Variants in C7orf78 observed in about 807,000 individuals in gnomAD.
C7orf78 encodes putative uncharacterized protein C7orf78.
At chr7:12,512,878 A>C in the C7orf78 span, among the ~76,000 whole-genome samples, 5 of 152,178 alleles carry the variant, frequency 3.3e-5, no homozygotes, top group Admixed American at 3.3e-4. Flanking sequence ...CAGGTTTTCT[A>C]TTCTTCCTGA....
the C7orf78 span, among the ~76,000 whole-genome samples, chr7:12,486,389 A>G: frequency 6.6e-6 from 1 of 151,952 alleles, no homozygotes; most frequent in Non-Finnish European, 1.5e-5. Flanking sequence ...ATATTTATTG[A>G]ACATCTACTA....
chr7:12,526,090 A>G, the C7orf78 span, among the ~76,000 whole-genome samples: 4 of 152,142 alleles, frequency 2.6e-5, no homozygotes, highest in Non-Finnish European at 5.9e-5. Context: ...AACTGTTACT[A>G]TATTATTAAA....
At chr7:12,540,701 C>T in the C7orf78 span, among the ~76,000 whole-genome samples, 1 of 152,192 alleles carries the variant, frequency 6.6e-6, no homozygotes, top group African/African-American at 2.4e-5. Flanking sequence ...TCTACTTCCA[C>T]ATCATAGTTG....
chr7:12,509,868 T>C, the C7orf78 span, among the ~76,000 whole-genome samples: 1 of 152,102 alleles, frequency 6.6e-6, no homozygotes, highest in Admixed American at 6.5e-5. Flanking sequence ...GTGGATCACC[T>C]GAGATCAGGA....
the C7orf78 span, among the ~76,000 whole-genome samples, chr7:12,530,803 G>T: frequency 6.6e-6 from 1 of 152,186 alleles, no homozygotes; most frequent in African/African-American, 2.4e-5. Flanking sequence ...AAAATGTTGA[G>T]AACACATACT....
At chr7:12,540,738 T>G in the C7orf78 span, among the ~76,000 whole-genome samples, 3 of 152,224 alleles carry the variant, frequency 2.0e-5, no homozygotes, top group Non-Finnish European at 4.4e-5. Flanking sequence ...TTCTTTTTTG[T>G]TATCATGCCT....
At chr7:12,538,814 C>T in the C7orf78 span, among the ~76,000 whole-genome samples, 1 of 152,044 alleles carries the variant, frequency 6.6e-6, no homozygotes, top group East Asian at 1.9e-4. Flanking sequence ...TTGCGAGCCA[C>T]CCATTTTTAC....
the C7orf78 span, among the ~76,000 whole-genome samples, chr7:12,514,198 G>C: frequency 6.6e-6 from 1 of 152,026 alleles, no homozygotes; most frequent in African/African-American, 2.4e-5. Context: ...TTTAGATTTA[G>C]TAAAATTTGC....
chr7:12,523,199 A>G, the C7orf78 span: 1 of 398,204 alleles, frequency 2.5e-6, no homozygotes, highest in East Asian at 3.6e-5. Flanking sequence ...AATTCCAGAA[A>G]GATCATCAAA....
At chr7:12,531,975 T>G in the C7orf78 span, among the ~76,000 whole-genome samples, 5 of 152,160 alleles carry the variant, frequency 3.3e-5, no homozygotes, top group Admixed American at 6.5e-5. Flanking sequence ...TTCGATTAGA[T>G]ATGACATTTA....
the C7orf78 span, among the ~76,000 whole-genome samples, chr7:12,533,607 C>G: frequency 6.6e-6 from 1 of 151,032 alleles, no homozygotes; most frequent in African/African-American, 2.4e-5. Context: ...AGCTCCACCT[C>G]CCGGGTTCAC....
chr7:12,514,116 C>T, the C7orf78 span, among the ~76,000 whole-genome samples: 1 of 152,182 alleles, frequency 6.6e-6, no homozygotes, highest in Non-Finnish European at 1.5e-5. Flanking sequence ...TTTCTGTCCA[C>T]ATGATCTGTC....
At chr7:12,512,209 G>C in the C7orf78 span, among the ~76,000 whole-genome samples, 2 of 152,034 alleles carry the variant, frequency 1.3e-5, no homozygotes, top group Non-Finnish European at 2.9e-5. Context: ...CTCTGGCTAA[G>C]ACTTCCAGTA....
chr7:12,523,465 A>G, the C7orf78 span: 2 of 397,650 alleles, frequency 5.0e-6, no homozygotes, highest in Non-Finnish European at 8.9e-6. Flanking sequence ...TTTAAGATAG[A>G]TAAGGGGAAC....
At chr7:12,510,599 C>G in the C7orf78 span, among the ~76,000 whole-genome samples, 1 of 151,968 alleles carries the variant, frequency 6.6e-6, no homozygotes, top group African/African-American at 2.4e-5. Context: ...TGGATAATAG[C>G]CATTCTAACT....
chr7:12,539,701 A>C, the C7orf78 span, among the ~76,000 whole-genome samples: 2 of 152,164 alleles, frequency 1.3e-5, no homozygotes, highest in Non-Finnish European at 1.5e-5. Flanking sequence ...CCAAGGAAGA[A>C]GTCTTTAATC....
chr7:12,538,748 T>TCA, the C7orf78 span, among the ~76,000 whole-genome samples: 1 of 152,140 alleles, frequency 6.6e-6, no homozygotes, highest in African/African-American at 2.4e-5. Flanking sequence ...TCCATACGGC[T>TCA]CACCAAATGG....
At chr7:12,496,623 G>C in the C7orf78 span, 1 of 152,192 alleles carries the variant, frequency 6.6e-6, no homozygotes, top group South Asian at 2.1e-4. Context: ...ACCTTATCTC[G>C]TGATGTATTC....
the C7orf78 span, among the ~76,000 whole-genome samples, chr7:12,487,487 G>T: frequency 6.6e-6 from 1 of 152,050 alleles, no homozygotes; most frequent in East Asian, 1.9e-4. Context: ...TGTGACCAGG[G>T]TGTCTTTTTA....
Sources: allele counts gnomAD v4.1 joint callset (sites outside exome capture counted in the v4.1 genomes callset), GRCh38; gene constraint gnomAD v4.1.1; transcripts MANE v1.5; gene names NCBI Gene and HGNC (gene_info 2026-07-23, HGNC 2026-07-21).